The following TGIF2 variants were observed in gnomAD, a reference collection of about 807,000 sequenced individuals.
The protein encoded by TGIF2 is TGFB induced factor homeobox 2, also known as homeobox protein TGIF2.
TGIF2 carries 5 observed loss-of-function variants against 15.1 expected under a neutral mutation model. The observed-to-expected ratio is 0.33, with a 90% CI of 0.17 to 0.70. TGIF2 has a LOEUF of 0.70. TGIF2 is among the 30% of genes least tolerant of loss of function. The pLI is 0.67. For missense variants in TGIF2, 264 were observed against 302.5 expected (o/e 0.87, Z 0.94); for synonymous variants, 131 against 128.9 (o/e 1.02, Z -0.11).
intron 2 of TGIF2, among the ~76,000 whole-genome samples, chr20:36,582,491 G>A (rs2038567566): frequency 6.6e-6 from 1 of 152,198 alleles, no homozygotes; most frequent in African/African-American, 2.4e-5. Context: ...TTTGCTGACT[G>A]CACTGCAGGA....
intron 2 of TGIF2, among the ~76,000 whole-genome samples, chr20:36,580,768 C>T (rs992754395): frequency 7.4e-6 from 1 of 135,778 alleles, no homozygotes; most frequent in Non-Finnish European, 1.5e-5. Flanking sequence ...GAGCTGTGAT[C>T]GCACCACTGC....
Position 36,591,377 on chromosome 20 carries a change from A to G in TGIF2, c.660A>G (p.Pro220=). Residue 220 remains proline, a synonymous_variant, in exon 3 of 3, where the codon CCA becomes CCG. Transcript: ENST00000373872. This position sits in a 1 kb window ranked among gnomAD's most constrained non-coding sequence, Gnocchi z 5.3. ...TGGAGCTTCAGAAGCAGCAGGACCCATCACTCCCATTACTGCACACTCCCA... is the reference window on the plus strand; with the variant it reads ...TGGAGCTTCAGAAGCAGCAGGACCCGTCACTCCCATTACTGCACACTCCCA... ...AEMELQKQQD[P]SLPLLHTPIP... is the part of the protein sequence containing the mutation. 1.1e-5 allele frequency: 17 copies of G among 1,614,162 alleles called. No individual in the cohort carries two copies. Among genetic ancestry groups the G allele is most frequent in the Non-Finnish European group, 1.4e-5 (16 of 1,180,012 alleles).
intron 2 of TGIF2, among the ~76,000 whole-genome samples, chr20:36,586,696 C>CT (rs1397509937): frequency 7.0e-6 from 1 of 141,956 alleles, no homozygotes; most frequent in African/African-American, 2.7e-5. Context: ...CTCCATTTCC[C>CT]CCCCCCCAAA....
At position 36,592,244 on chromosome 20, in the gene TGIF2, G is replaced by C. The variant is rs901998916; in HGVS notation, c.*813G>C. The C allele has an allele frequency of 2.0e-5, 3 of 152,146 alleles. No homozygotes were observed. The highest frequency in any genetic ancestry group is 7.2e-5 in the African/African-American group (3 of 41,418). The allele number at this position is 152,146 out of a possible 1,614,324, so 9.4% of individuals were successfully genotyped here. On this transcript the variant is annotated 3_prime_UTR_variant, in exon 3 of 3. Coordinates refer to ENST00000373872, the MANE Select transcript of TGIF2 (RefSeq NM_021809.7). ...ACAGAAGGGTAGAAAGCCACAGCAG[G>C]GGGCAGTCCAGCAGACTCTGACTCA... is the stretch of plus-strand genomic sequence containing the variant.
intron 1 of TGIF2, among the ~76,000 whole-genome samples, chr20:36,576,704 CT>C (rs1194152602): frequency 6.6e-6 from 1 of 151,964 alleles, no homozygotes; most frequent in African/African-American, 2.4e-5. Flanking sequence ...AATTTTAGGA[CT>C]TTTTTGCGGG....
chr20:36,593,676 CTG>C lies in TGIF2; in HGVS notation c.*2246_*2247del, dbSNP rs1353633741. On this transcript the variant is annotated 3_prime_UTR_variant, in exon 3 of 3. Coordinates refer to ENST00000373872, the MANE Select transcript of TGIF2 (RefSeq NM_021809.7). ...TGCAGGATGCCTGTAGTAGGGAACTCTGGAAGTGTATTGGGCTGAGGTGGGAT... is the reference window on the plus strand; with the variant it reads ...TGCAGGATGCCTGTAGTAGGGAACTCGAAGTGTATTGGGCTGAGGTGGGAT... 6.6e-6 allele frequency: 1 copy of C among 152,660 alleles called. No individual in the cohort carries two copies. Among genetic ancestry groups the C allele is most frequent in the African/African-American group, 2.4e-5 (1 of 41,440 alleles). 9.5% of individuals were successfully genotyped at this position (152,660 alleles called of 1,614,324 possible).
In TGIF2 at chr20:36,578,610, G is replaced by A. The variant is rs531359752; in HGVS notation, c.-34-131G>A. 9.8e-5 allele frequency: 100 copies of A among 1,024,406 alleles called. 2 individuals carry two copies. In the South Asian group the frequency reaches 1.6e-3, roughly 16 times the overall value. 63.5% of individuals were successfully genotyped at this position (1,024,406 alleles called of 1,614,324 possible). A position where few individuals can be genotyped will look rare whatever the true frequency, so the allele number is the denominator to read the frequency against. ...TTCTAGCTTGCTCGGTCTGTGTTAC[G>A]GCCTGAGATTCTGAATTGCAACTAC... On this transcript the variant is annotated intron_variant, in intron 1 of 2. Transcript: ENST00000373872.
At position 36,580,453 on chromosome 20, in the gene TGIF2, G is replaced by GAAAA. The variant is rs1474847363; in HGVS notation, c.192+1490_192+1493dup. 2.6e-5 allele frequency among the ~76,000 whole-genome samples: 4 copies of GAAAA among 152,080 alleles called. No individual in the cohort carries two copies. In the East Asian group the frequency reaches 7.7e-4, roughly 29 times the overall value. ...TGTGAGCCTCATTATTCCCTCATCT[G>GAAAA]AAAAAAGGGAGGTGATTGTAGCACT... On this transcript the variant is annotated intron_variant, in intron 2 of 2. Transcript: ENST00000373872.
At chr20:36,590,843 G>A (rs2147941377) in intron 2 of TGIF2, 67 bp from the exon 3 acceptor site, 2 of 1,473,656 alleles carry the variant, frequency 1.4e-6, no homozygotes, top group Admixed American at 2.4e-5. Context: ...ACAGGTGTGA[G>A]CCACTGTGCC....
At chr20:36,583,257 G>C (rs1276998659) in intron 2 of TGIF2, among the ~76,000 whole-genome samples, 3 of 149,256 alleles carry the variant, frequency 2.0e-5, no homozygotes, top group African/African-American at 7.5e-5. Context: ...CTGGGCAACA[G>C]CAAAACTGTC....
At chr20:36,580,813 CAAAAAAAAAAAAA>C (rs71184101) in intron 2 of TGIF2, among the ~76,000 whole-genome samples, 810 of 45,982 alleles carry the variant, frequency 0.018, 13 homozygotes, top group African/African-American at 0.068. Context: ...GACATTGTCT[CAAAAAAAAAAAAA>C]AAAAAAAAAA....
intron 2 of TGIF2, among the ~76,000 whole-genome samples, chr20:36,588,605 A>T (rs924656825): frequency 1.3e-5 from 2 of 151,992 alleles, no homozygotes; most frequent in African/African-American, 2.4e-5. Context: ...GCCTGTTGGT[A>T]TGTGTGTGCA....
chr20:36,579,071 G>C, intron 2 of TGIF2, 105 bp downstream of exon 2: 3 of 1,441,316 alleles, frequency 2.1e-6, no homozygotes, highest in Admixed American at 2.6e-5. Flanking sequence ...CACTTTCACT[G>C]TCTGGGCTTC....
At position 36,591,266 on chromosome 20, in the gene TGIF2, A is replaced by T; in HGVS notation, c.549A>T (p.Pro183=). The change falls in exon 3 of 3, where the codon CCA becomes CCT. Residue 183 remains proline (P), a synonymous_variant. Coordinates refer to ENST00000373872, the MANE Select transcript of TGIF2 (RefSeq NM_021809.7). This position sits in a 1 kb window ranked among gnomAD's most constrained non-coding sequence, Gnocchi z 5.3. The part of the protein sequence containing the change: ...GSPTGGLFNT[P]PPTPPEQDKE... Reference sequence around the variant, plus strand: ...CCACAGGTGGACTCTTCAACACGCCACCACCCACACCCCCAGAGCAGGACA... The same window carrying T: ...CCACAGGTGGACTCTTCAACACGCCTCCACCCACACCCCCAGAGCAGGACA... The T allele has an allele frequency of 6.2e-7, 1 of 1,614,194 alleles. No homozygotes were observed. The highest frequency in any genetic ancestry group is 8.5e-7 in the Non-Finnish European group (1 of 1,180,052).
rs1167193268 is a variant in TGIF2 at position 36,578,948 on chromosome 20, C to G, written c.174C>G (p.Thr58=). ...AGAAGCTGAGCCTTTCTGGACAGAC[C>G]AACCTGTCAGTGCTGCAAGTAAGGA... ...EQEKLSLSGQ[T]NLSVLQICNW... The change falls in exon 2 of 3, where the codon ACC becomes ACG. Residue 58 remains threonine, a synonymous_variant. Transcript: ENST00000373872. 1 of 1,613,902 alleles carries G rather than the reference C, an allele frequency of 6.2e-7. No homozygotes were observed. The highest frequency in any genetic ancestry group is 1.7e-5 in the Admixed American group (1 of 59,980).
At chr20:36,579,226 C>A (rs1353169582) in intron 2 of TGIF2, among the ~76,000 whole-genome samples, 1 of 152,128 alleles carries the variant, frequency 6.6e-6, no homozygotes, top group Non-Finnish European at 1.5e-5. Context: ...GGCTGGAGTG[C>A]AGTGATGCGA....
intron 2 of TGIF2, among the ~76,000 whole-genome samples, chr20:36,581,428 G>T (rs1246321941): frequency 5.9e-5 from 9 of 151,916 alleles, no homozygotes; most frequent in Non-Finnish European, 2.9e-5. Context: ...GCCCAAATCT[G>T]ATAGGGCCAG....
intron 1 of TGIF2, among the ~76,000 whole-genome samples, chr20:36,577,867 G>A (rs183957505): frequency 8.5e-5 from 13 of 152,158 alleles, no homozygotes; most frequent in Admixed American, 6.5e-5. Flanking sequence ...AAGTGCAGTG[G>A]CACAAACACA....
At chr20:36,587,296 G>T (rs1167538434) in intron 2 of TGIF2, among the ~76,000 whole-genome samples, 1 of 152,210 alleles carries the variant, frequency 6.6e-6, no homozygotes, top group Non-Finnish European at 1.5e-5. Flanking sequence ...GGAGTGTGTG[G>T]AGGGGTGTTT....
Sources: gnomAD v4.1 joint callset for allele counts (sites outside exome capture counted in the v4.1 genomes callset) on GRCh38, gnomAD v4.1.1 for gene constraint, Gnocchi (gnomAD v3.1) non-coding constraint, MANE v1.5 for transcripts, NCBI Gene and HGNC (gene_info 2026-07-23, HGNC 2026-07-21) for gene names.